ZC3H11A: variants seen among roughly 807,000 people sequenced by gnomAD.
The protein encoded by ZC3H11A is zinc finger CCCH domain-containing protein 11A.
A neutral mutation model predicts 90.8 loss-of-function variants in ZC3H11A; 22 were observed. The ratio of observed to expected loss-of-function variants is 0.24; its 90% confidence interval spans 0.17 to 0.35. ZC3H11A has a LOEUF of 0.35. ZC3H11A is among the 10% of genes least tolerant of loss of function. The probability of loss-of-function intolerance (pLI) is 1.00; values close to 1 mark genes in which losing one functional copy is unlikely to be tolerated. For synonymous variants in ZC3H11A, 294 were observed against 339.8 expected (o/e 0.87, Z 1.48); for missense variants, 701 against 964.9 (o/e 0.73, Z 3.62).
In ZC3H11A at chr1:203,798,949, A is replaced by G. The variant is rs771470973; in HGVS notation, c.-1587-2626A>G. 3.3e-6 allele frequency: 5 copies of G among 1,536,032 alleles called. No individual in the cohort carries two copies. In the South Asian group the frequency reaches 5.9e-5, roughly 18 times the overall value. On this transcript the variant is annotated intron_variant, in intron 1 of 17. Coordinates refer to ENST00000367210, the MANE Select transcript of ZC3H11A (RefSeq NM_001376342.1). ...ATTTTCTTAACTTTAGAGAATGTTC[A>G]AAGCCAAAAGATACACCTGACTGTT...
At chr1:203,831,490 C>G (rs1682345825) in intron 8 of ZC3H11A, among the ~76,000 whole-genome samples, 171 bp from the exon 9 acceptor site, 1 of 152,174 alleles carries the variant, frequency 6.6e-6, no homozygotes, top group South Asian at 2.1e-4. Context: ...CAAGGCTCCC[C>G]TCACCACTAC....
rs187611508 is a variant in ZC3H11A at position 203,818,878 on chromosome 1, G to T, written c.174+189G>T. On this transcript the variant is annotated intron_variant, in intron 4 of 17. Coordinates refer to ENST00000367210, the MANE Select transcript of ZC3H11A (RefSeq NM_001376342.1). ...AGGTCAGGAGATTGAGACCATCCTA[G>T]CCAACGTGGTGAAACCCCATCTCTA... Among the ~76,000 whole-genome samples the T allele has an allele frequency of 3.9e-3, 586 of 151,844 alleles. 2 individuals are homozygous for T. The highest frequency in any genetic ancestry group is 0.031 in the Middle Eastern group (9 of 292).
intron 1 of ZC3H11A, chr1:203,800,263 A>C (rs1670142463): frequency 2.8e-6 from 3 of 1,062,212 alleles, no homozygotes; most frequent in Non-Finnish European, 4.2e-6. Flanking sequence ...TGTAGTTGGC[A>C]ATCTGAATGT....
intron 4 of ZC3H11A, 102 bp downstream of exon 4, chr1:203,818,791 T>C: frequency 6.5e-7 from 1 of 1,541,410 alleles, no homozygotes; most frequent in Non-Finnish European, 8.8e-7. Context: ...ATATTAAGGC[T>C]GAGTGCAGTG....
At chr1:203,809,642 G>A (rs763162888) in intron 2 of ZC3H11A, among the ~76,000 whole-genome samples, 3 of 151,742 alleles carry the variant, frequency 2.0e-5, no homozygotes, top group Non-Finnish European at 2.9e-5. Context: ...ATTTTCAAAC[G>A]GTTATTTTCT....
At chr1:203,805,134 A>G (rs1233125348) in intron 2 of ZC3H11A, among the ~76,000 whole-genome samples, 2 of 137,966 alleles carry the variant, frequency 1.4e-5, no homozygotes, top group East Asian at 3.9e-4. Context: ...CACTTCTGAT[A>G]CAGTAGTGAT....
At chr1:203,850,442 T>C in intron 15 of ZC3H11A, 73 bp from the exon 16 acceptor site, 1 of 1,579,570 alleles carries the variant, frequency 6.3e-7, no homozygotes, top group Non-Finnish European at 8.7e-7. Flanking sequence ...AGTTTTGATA[T>C]TTTATTCTGA....
chr1:203,821,299 G>A (rs1407020622), intron 4 of ZC3H11A, among the ~76,000 whole-genome samples: 1 of 152,042 alleles, frequency 6.6e-6, no homozygotes, highest in Non-Finnish European at 1.5e-5. Context: ...GCAGAACTGT[G>A]AGTTAGTTAA....
In ZC3H11A at chr1:203,846,115, CAA is replaced by C. The variant is rs34793133; in HGVS notation, c.1043-1050_1043-1049del. 1.2e-3 allele frequency among the ~76,000 whole-genome samples: 62 copies of C among 53,168 alleles called. 2 individuals are homozygous for C. The highest frequency in any genetic ancestry group is 5.3e-3 in the Admixed American group (23 of 4,358). 34.9% of individuals were successfully genotyped at this position (53,168 alleles called of 152,430 possible). A position where few individuals can be genotyped will look rare whatever the true frequency, so the allele number is the denominator to read the frequency against. On this transcript the variant is annotated intron_variant, in intron 12 of 17. Coordinates refer to ENST00000367210, the MANE Select transcript of ZC3H11A (RefSeq NM_001376342.1). ...CCACATAACAAGACCTCGTCTTTAC[CAA>C]AAAAAAAAAAAAAAAAAAGATTTTG...
intron 5 of ZC3H11A, among the ~76,000 whole-genome samples, chr1:203,828,630 GTTA>G: frequency 6.6e-6 from 1 of 152,214 alleles, no homozygotes. Context: ...TGCCATTTAA[GTTA>G]TTATACTTAC....
intron 15 of ZC3H11A, chr1:203,850,304 C>A: frequency 1.4e-6 from 1 of 705,854 alleles, no homozygotes; most frequent in Non-Finnish European, 2.4e-6. Flanking sequence ...GGAATGGTAA[C>A]AAATTTAAGT....
At chr1:203,851,020 T>C (rs1689120379) in intron 16 of ZC3H11A, 37 bp from the exon 17 acceptor site, 3 of 1,607,820 alleles carry the variant, frequency 1.9e-6, no homozygotes, top group African/African-American at 2.7e-5. Flanking sequence ...TTAAAAAGCC[T>C]GACTCTCACT....
chr1:203,850,182 CA>C (rs1235213505), intron 15 of ZC3H11A, 156 bp downstream of exon 15: 3 of 713,978 alleles, frequency 4.2e-6, no homozygotes, highest in African/African-American at 1.8e-5. Context: ...TATACAGAGG[CA>C]AAACGAGATG....
intron 10 of ZC3H11A, among the ~76,000 whole-genome samples, chr1:203,835,333 A>T (rs1430298452): frequency 1.3e-5 from 2 of 152,186 alleles, no homozygotes; most frequent in African/African-American, 4.8e-5. Context: ...TATTTTCTGC[A>T]CTGAGCTCAA....
intron 2 of ZC3H11A, among the ~76,000 whole-genome samples, chr1:203,804,169 T>G (rs1478821935): frequency 7.3e-6 from 1 of 137,688 alleles, no homozygotes; most frequent in Admixed American, 8.1e-5. Context: ...TTTTTTTTTT[T>G]GAGACAGAGT....
chr1:203,839,227 T>A (rs1479049647), intron 11 of ZC3H11A, among the ~76,000 whole-genome samples: 1 of 152,196 alleles, frequency 6.6e-6, no homozygotes, highest in Non-Finnish European at 1.5e-5. Context: ...TTTGTTTGTT[T>A]AAAGACAAGG....
chr1:203,843,304 T>C (rs1686986656), intron 12 of ZC3H11A, among the ~76,000 whole-genome samples: 1 of 152,248 alleles, frequency 6.6e-6, no homozygotes, highest in South Asian at 2.1e-4. Context: ...CCCTTGAATC[T>C]AAAGATTTGT....
intron 4 of ZC3H11A, among the ~76,000 whole-genome samples, chr1:203,827,904 T>C (rs1397085309): frequency 6.6e-6 from 1 of 152,196 alleles, no homozygotes; most frequent in Non-Finnish European, 1.5e-5. Context: ...TTATTCCCGT[T>C]TTATAGCTAA....
chr1:203,808,225 T>G (rs1320136633), intron 2 of ZC3H11A, among the ~76,000 whole-genome samples: 1 of 150,078 alleles, frequency 6.7e-6, no homozygotes, highest in Admixed American at 6.9e-5. Flanking sequence ...AATTCTAAAC[T>G]TAAAGGTCAT....
Sources: allele counts gnomAD v4.1 joint callset (sites outside exome capture counted in the v4.1 genomes callset), GRCh38; gene constraint gnomAD v4.1.1; transcripts MANE v1.5; gene names NCBI Gene and HGNC (gene_info 2026-07-23, HGNC 2026-07-21).